CFAP221: variants seen among roughly 807,000 people sequenced by gnomAD.
CFAP221 encodes cilia- and flagella-associated protein 221.
CFAP221 carries 97 observed loss-of-function variants against 113.1 expected under a neutral mutation model. The observed-to-expected ratio is 0.86, with a 90% CI of 0.73 to 1.02. The LOEUF is 1.02. CFAP221 is among the 50% of genes least tolerant of loss of function. The pLI, the probability that CFAP221 is intolerant of heterozygous loss-of-function variation, is 0.00. For synonymous variants in CFAP221, 331 were observed against 354.4 expected (o/e 0.93, Z 0.74); for missense variants, 1,025 against 1,013.4 (o/e 1.01, Z -0.16).
intron 6 of CFAP221, among the ~76,000 whole-genome samples, chr2:119,581,510 C>T (rs1316875574): frequency 6.6e-6 from 1 of 152,086 alleles, no homozygotes; most frequent in African/African-American, 2.4e-5. Context: ...AGTAATAATA[C>T]AGGAATTCAC....
intron 23 of CFAP221, among the ~76,000 whole-genome samples, chr2:119,653,900 A>G (rs530496284): frequency 6.6e-6 from 1 of 152,202 alleles, no homozygotes; most frequent in Admixed American, 6.5e-5. Context: ...TATACTAAAA[A>G]CTTATCTATG....
At chr2:119,613,248 A>G (rs552280791) in intron 13 of CFAP221, among the ~76,000 whole-genome samples, 2 of 152,308 alleles carry the variant, frequency 1.3e-5, no homozygotes, top group South Asian at 4.1e-4. Context: ...TTCCAGGTGC[A>G]CAGTGCAAGC....
intron 7 of CFAP221, among the ~76,000 whole-genome samples, chr2:119,596,656 C>T: frequency 6.6e-6 from 1 of 152,184 alleles, no homozygotes; most frequent in African/African-American, 2.4e-5. Flanking sequence ...GTCAAAAAAG[C>T]TTGCGGGAGG....
chr2:119,607,297 C>G (rs1429164835), intron 11 of CFAP221, among the ~76,000 whole-genome samples: 1 of 152,120 alleles, frequency 6.6e-6, no homozygotes, highest in Non-Finnish European at 1.5e-5. Flanking sequence ...CGGCCCATAC[C>G]TGGTTTGTTT....
At chr2:119,615,542 T>A in intron 13 of CFAP221, 69 bp from the exon 14 acceptor site, 1 of 1,130,458 alleles carries the variant, frequency 8.8e-7, no homozygotes, top group Non-Finnish European at 1.3e-6. Context: ...CTCTAAAATG[T>A]TTTTATTAGA....
At chr2:119,563,755 G>C (rs1463088999) in intron 6 of CFAP221, among the ~76,000 whole-genome samples, 3 of 152,194 alleles carry the variant, frequency 2.0e-5, no homozygotes, top group African/African-American at 7.2e-5. Flanking sequence ...AGGCCTCAGA[G>C]TCTAATGGGG....
chr2:119,642,828 A>C (rs1407982112), intron 21 of CFAP221, among the ~76,000 whole-genome samples: 1 of 148,652 alleles, frequency 6.7e-6, no homozygotes, highest in African/African-American at 2.5e-5. Context: ...AAGTGGAGCC[A>C]CTGCACCCAG....
chr2:119,603,805 A>G (rs1003914457), intron 8 of CFAP221, among the ~76,000 whole-genome samples: 3 of 152,216 alleles, frequency 2.0e-5, no homozygotes, highest in East Asian at 1.9e-4. Context: ...ATTTCTAAAA[A>G]AAGAAAAAAG....
intron 21 of CFAP221, among the ~76,000 whole-genome samples, chr2:119,642,121 A>C (rs1216510234): frequency 6.6e-6 from 1 of 152,226 alleles, no homozygotes; most frequent in Admixed American, 6.5e-5. Flanking sequence ...ATGAGTTGTT[A>C]CTTTCAGCTT....
At chr2:119,656,243 C>T in intron 23 of CFAP221, 119 bp from the exon 24 acceptor site, 1 of 714,118 alleles carries the variant, frequency 1.4e-6, no homozygotes, top group East Asian at 2.7e-5. Context: ...TGGTGAAAAC[C>T]TTCTTTGTAT....
Position 119,630,836 on chromosome 2 carries a change from G to A in CFAP221, c.1909G>A (p.Val637Ile), listed in dbSNP as rs2272058. The stretch of plus-strand genomic sequence containing the variant: ...AACTCAGCTCTCTGGCAAAACATCA[G>A]TCTTGAGCATGAAACCACCTGAGGC... ...STTQLSGKTS[V>I]LSMKPPEALA... The change falls in exon 19 of 24, where the codon GTC (valine) becomes ATC (isoleucine). Residue 637 changes from valine (V) to isoleucine (I), a missense_variant. Physicochemically the swap from Val to Ile is conservative, Grantham distance 29. Coordinates refer to ENST00000413369, the MANE Select transcript of CFAP221 (RefSeq NM_001271049.2). 1 allele frequency: 1,607,069 copies of A among 1,613,988 alleles called. 800,321 individuals are homozygous for A. Among genetic ancestry groups the A allele is most frequent in the South Asian group, 1 (91,058 of 91,080 alleles).
At chr2:119,642,635 C>T (rs2104795879) in intron 21 of CFAP221, among the ~76,000 whole-genome samples, 1 of 149,640 alleles carries the variant, frequency 6.7e-6, no homozygotes, top group South Asian at 2.1e-4. Context: ...AACTCCTGGG[C>T]TCAACTGATT....
chr2:119,556,973 T>A (rs1680852926), intron 3 of CFAP221: 2 of 152,238 alleles, frequency 1.3e-5, no homozygotes, highest in Admixed American at 1.3e-4. Context: ...ATACTCATGT[T>A]GGAGGAAAGG....
At chr2:119,559,858 G>A in intron 4 of CFAP221, 70 bp from the exon 5 acceptor site, 2 of 1,477,640 alleles carry the variant, frequency 1.4e-6, no homozygotes, top group Non-Finnish European at 1.8e-6. Context: ...TGTGTGGTGT[G>A]TTGTCACCCC....
intron 7 of CFAP221, among the ~76,000 whole-genome samples, chr2:119,593,681 T>G (rs1683750105): frequency 1.3e-5 from 2 of 151,804 alleles, no homozygotes; most frequent in Non-Finnish European, 1.5e-5. Flanking sequence ...CTACTAAAAA[T>G]ACAAAAAATT....
chr2:119,583,065 C>T (rs1242822017), intron 6 of CFAP221, among the ~76,000 whole-genome samples: 1 of 152,008 alleles, frequency 6.6e-6, no homozygotes. Context: ...TCTGGAGACA[C>T]ACCTAAAATA....
At chr2:119,591,582 AT>A (rs1683603118) in intron 7 of CFAP221, among the ~76,000 whole-genome samples, 1 of 152,254 alleles carries the variant, frequency 6.6e-6, no homozygotes, top group Non-Finnish European at 1.5e-5. Flanking sequence ...CAAGAGGACC[AT>A]TTGATGGGCT....
chr2:119,628,885 G>A (rs550435360), intron 16 of CFAP221, among the ~76,000 whole-genome samples: 1 of 152,240 alleles, frequency 6.6e-6, no homozygotes, highest in East Asian at 1.9e-4. Context: ...TTGATGGGGT[G>A]GAAAGAGATC....
At chr2:119,633,001 TG>T (rs1428266145) in intron 19 of CFAP221, among the ~76,000 whole-genome samples, 3 of 151,828 alleles carry the variant, frequency 2.0e-5, no homozygotes, top group Non-Finnish European at 4.4e-5. Flanking sequence ...CCTAAATAAA[TG>T]GAGAAATAAA....
Sources: allele counts gnomAD v4.1 joint callset (sites outside exome capture counted in the v4.1 genomes callset), GRCh38; gene constraint gnomAD v4.1.1; transcripts MANE v1.5; gene names NCBI Gene and HGNC (gene_info 2026-07-23, HGNC 2026-07-21).